The following GUCY2C variants were observed in gnomAD, a reference collection of about 807,000 sequenced individuals.
GUCY2C encodes guanylyl cyclase C.
GUCY2C carries 118 observed loss-of-function variants against 131.1 expected under a neutral mutation model. That is an observed-to-expected ratio of 0.90 (90% CI 0.78 to 1.05). GUCY2C has a LOEUF of 1.05. Among genes scored for constraint, GUCY2C ranks in the 50% least tolerant of loss-of-function variants. GUCY2C has a pLI of 0.00. For missense variants in GUCY2C, 1,161 were observed against 1,304.4 expected (o/e 0.89, Z 1.69); for synonymous variants, 452 against 457.8 (o/e 0.99, Z 0.16).
intron 10 of GUCY2C, among the ~76,000 whole-genome samples, chr12:14,667,038 T>C (rs1211725115): frequency 6.6e-6 from 1 of 152,132 alleles, no homozygotes; most frequent in African/African-American, 2.4e-5. Context: ...TGTAAACTAG[T>C]TCAACCATTG....
chr12:14,676,637 C>G (rs1386106630), intron 7 of GUCY2C, among the ~76,000 whole-genome samples: 1 of 152,164 alleles, frequency 6.6e-6, no homozygotes, highest in Non-Finnish European at 1.5e-5. Flanking sequence ...TATAGTCTAG[C>G]AGAGTGACCT....
chr12:14,694,938 CA>C (rs1157882590), intron 1 of GUCY2C, among the ~76,000 whole-genome samples: 1 of 152,158 alleles, frequency 6.6e-6, no homozygotes, highest in South Asian at 2.1e-4. Flanking sequence ...AAATTTAAAA[CA>C]AATGAAATAT....
chr12:14,696,554 C>A lies in GUCY2C; in HGVS notation c.-106G>T. The A allele has an allele frequency of 1.3e-6, 1 of 782,846 alleles. No individual in the cohort carries two copies. The allele number at this position is 782,846 out of a possible 1,614,324, so 48.5% of individuals were successfully genotyped here. On this transcript the variant is annotated 5_prime_UTR_variant, in exon 1 of 27. An upstream open reading frame in the 5' UTR gains an earlier in-frame stop. Transcript: ENST00000261170. ...ATGGACAGCCTCTAGTGGAGTCCCT[C>A]AGCCCACTCTTCCCCACGCTTCTCT...
At position 14,683,127 on chromosome 12, in the gene GUCY2C, T is replaced by C; in HGVS notation, c.526A>G (p.Lys176Glu). Reference protein sequence around the residue: ...KLMYFLVNFWKTNDLPFKTYS... With the variant: ...KLMYFLVNFWETNDLPFKTYS... ...GTTTTGAAGGGCAGATCGTTGGTTT[T>C]CCAAAAGTTAACCAAGAAGTACATC... is the stretch of plus-strand genomic sequence containing the variant. The change falls in exon 4 of 27, where the codon AAA becomes GAA. Residue 176 changes from lysine (K) to glutamate (E), a missense_variant. Transcript: ENST00000261170. 1.2e-6 allele frequency: 2 copies of C among 1,613,598 alleles called. No individual in the cohort carries two copies. The highest frequency in any genetic ancestry group is 1.1e-5 in the South Asian group (1 of 91,066).
intron 10 of GUCY2C, among the ~76,000 whole-genome samples, chr12:14,664,499 T>C (rs1317643593): frequency 6.6e-6 from 1 of 151,566 alleles, no homozygotes; most frequent in African/African-American, 2.4e-5. Context: ...AATATTTATA[T>C]ATAGTATTTA....
At chr12:14,623,210 G>A (rs1156880137) in intron 21 of GUCY2C, among the ~76,000 whole-genome samples, 1 of 152,198 alleles carries the variant, frequency 6.6e-6, no homozygotes, top group African/African-American at 2.4e-5. Context: ...CCACCCATCA[G>A]TCTTTTTTTG....
intron 19 of GUCY2C, among the ~76,000 whole-genome samples, chr12:14,630,356 G>GGGC (rs1947116674): frequency 6.6e-6 from 1 of 152,066 alleles, no homozygotes; most frequent in Non-Finnish European, 1.5e-5. Flanking sequence ...ACAGCAAACT[G>GGGC]GGCCGATCCT....
intron 4 of GUCY2C, among the ~76,000 whole-genome samples, chr12:14,682,106 C>T (rs1277018328): frequency 6.6e-6 from 1 of 152,070 alleles, no homozygotes; most frequent in East Asian, 1.9e-4. Context: ...AGCAACCCAG[C>T]CAGAAGATTT....
At chr12:14,640,180 A>C (rs2111178) in intron 18 of GUCY2C, among the ~76,000 whole-genome samples, 1 of 152,114 alleles carries the variant, frequency 6.6e-6, no homozygotes, top group Non-Finnish European at 1.5e-5. Context: ...ATAGGCTACC[A>C]GGTGGGGCAC....
chr12:14,670,532 G>A (rs143958362), intron 9 of GUCY2C, among the ~76,000 whole-genome samples: 2 of 152,056 alleles, frequency 1.3e-5, no homozygotes, highest in African/African-American at 2.4e-5. Flanking sequence ...TGGTTTGGCT[G>A]TGTCCCCACC....
intron 21 of GUCY2C, among the ~76,000 whole-genome samples, chr12:14,623,484 C>T (rs1436667688): frequency 6.6e-6 from 1 of 152,226 alleles, no homozygotes; most frequent in African/African-American, 2.4e-5. Flanking sequence ...AGTGGTTGTT[C>T]TTGACATGCC....
chr12:14,673,445 T>G (rs1948157596), intron 8 of GUCY2C, among the ~76,000 whole-genome samples: 1 of 151,688 alleles, frequency 6.6e-6, no homozygotes, highest in African/African-American at 2.4e-5. Flanking sequence ...GATAAAACTA[T>G]TTAGGTAAAA....
At chr12:14,691,990 C>A (rs1353015290) in intron 1 of GUCY2C, among the ~76,000 whole-genome samples, 1 of 152,122 alleles carries the variant, frequency 6.6e-6, no homozygotes, top group Admixed American at 6.6e-5. Context: ...GGTAGATTAA[C>A]TTGTTTAAGG....
At chr12:14,650,156 A>G (rs959875466) in intron 15 of GUCY2C, among the ~76,000 whole-genome samples, 2 of 152,166 alleles carry the variant, frequency 1.3e-5, no homozygotes, top group Non-Finnish European at 2.9e-5. Context: ...TATTTGATTT[A>G]AAATGATTGA....
Position 14,629,846 on chromosome 12 carries a change from T to G in GUCY2C, c.2158-1109A>C, listed in dbSNP as rs143533976. Among the ~76,000 whole-genome samples, 165 of 152,352 alleles carry G rather than the reference T, an allele frequency of 1.1e-3. 2 individuals are homozygous for G. In the East Asian group the frequency reaches 0.017, roughly 16 times the overall value. On this transcript the variant is annotated intron_variant, in intron 19 of 26. Transcript: ENST00000261170. The stretch of plus-strand genomic sequence containing the variant: ...TATTTTGAAGTGGTCTTAGTAGGGT[T>G]CCCAGATTTAGCAAGAAAAATAAAG...
At chr12:14,631,237 T>A (rs1394784941) in intron 19 of GUCY2C, among the ~76,000 whole-genome samples, 3 of 152,200 alleles carry the variant, frequency 2.0e-5, no homozygotes, top group Non-Finnish European at 4.4e-5. Flanking sequence ...AAATTTTTTT[T>A]ATTTTTATTA....
chr12:14,640,788 CA>C (rs1947384040), intron 18 of GUCY2C, among the ~76,000 whole-genome samples: 1 of 152,126 alleles, frequency 6.6e-6, no homozygotes, highest in Non-Finnish European at 1.5e-5. Context: ...AGATGTTAAG[CA>C]GGTACATTCT....
chr12:14,629,729 G>C (rs1947101857), intron 19 of GUCY2C, among the ~76,000 whole-genome samples: 1 of 152,160 alleles, frequency 6.6e-6, no homozygotes, highest in Admixed American at 6.5e-5. Context: ...ACTGTCCATG[G>C]TTCTAACTTA....
intron 2 of GUCY2C, among the ~76,000 whole-genome samples, chr12:14,687,259 A>G (rs182936398): frequency 5.9e-5 from 9 of 152,360 alleles, no homozygotes; most frequent in African/African-American, 1.9e-4. Flanking sequence ...GTTTTTAAAC[A>G]TGATTTCTCA....
Sources: allele counts gnomAD v4.1 joint callset (sites outside exome capture counted in the v4.1 genomes callset), GRCh38; gene constraint gnomAD v4.1.1; transcripts MANE v1.5; gene names NCBI Gene and HGNC (gene_info 2026-07-23, HGNC 2026-07-21).